CDH13: variants seen among roughly 807,000 people sequenced by gnomAD.
CDH13 encodes cadherin-13.
CDH13 carries 24 observed loss-of-function variants against 63.8 expected under a neutral mutation model. The observed-to-expected ratio is 0.38, with a 90% CI of 0.27 to 0.53. The LOEUF (loss-of-function observed/expected upper bound fraction) is 0.53. Among genes scored for constraint, CDH13 ranks in the 20% least tolerant of loss-of-function variants. CDH13 has a pLI of 0.85. For synonymous variants in CDH13, 503 were observed against 355.3 expected, an observed-to-expected ratio of 1.42 and a Z score of -4.67; for missense variants, 1,049 against 903.1, an observed-to-expected ratio of 1.16 and a Z score of -2.07.
intron 6 of CDH13, among the ~76,000 whole-genome samples, chr16:83,436,906 T>A (rs879885972): frequency 6.6e-6 from 1 of 152,216 alleles, no homozygotes; most frequent in Non-Finnish European, 1.5e-5. Flanking sequence ...TAGTTACCTG[T>A]AAAACTCCAT....
At chr16:82,635,618 G>C (rs1908559594) in intron 1 of CDH13, among the ~76,000 whole-genome samples, 1 of 152,212 alleles carries the variant, frequency 6.6e-6, no homozygotes, top group Non-Finnish European at 1.5e-5. Context: ...GGTTGGAGCT[G>C]GGTAAGAATG....
intron 10 of CDH13, among the ~76,000 whole-genome samples, chr16:83,706,641 C>G (rs989430373): frequency 6.6e-6 from 1 of 152,116 alleles, no homozygotes; most frequent in Admixed American, 6.5e-5. Flanking sequence ...TCTTTGGTTG[C>G]AAGCCATGGA....
intron 9 of CDH13, among the ~76,000 whole-genome samples, chr16:83,676,039 G>A (rs554987195): frequency 6.6e-6 from 1 of 152,250 alleles, no homozygotes; most frequent in Non-Finnish European, 1.5e-5. Flanking sequence ...ATAAGAGCAA[G>A]AACTTTTGCT....
At chr16:83,762,211 A>G (rs1914029320) in intron 11 of CDH13, among the ~76,000 whole-genome samples, 1 of 152,188 alleles carries the variant, frequency 6.6e-6, no homozygotes, top group Non-Finnish European at 1.5e-5. Flanking sequence ...AATCCTATAG[A>G]TTAATAAGTT....
intron 1 of CDH13, among the ~76,000 whole-genome samples, chr16:82,751,601 G>T (rs1224975974): frequency 6.6e-6 from 1 of 151,886 alleles, no homozygotes; most frequent in Non-Finnish European, 1.5e-5. Flanking sequence ...TCCTGGAAAG[G>T]TCAGACTTAT....
intron 4 of CDH13, among the ~76,000 whole-genome samples, chr16:83,160,576 C>T (rs1038857521): frequency 7.2e-5 from 11 of 152,238 alleles, no homozygotes; most frequent in East Asian, 1.9e-4. Context: ...ATGTGGTGCT[C>T]GTGTGGCCTT....
chr16:82,827,301 G>A (rs1379169729), intron 1 of CDH13, among the ~76,000 whole-genome samples: 2 of 152,150 alleles, frequency 1.3e-5, no homozygotes, highest in Admixed American at 6.5e-5. Context: ...GCATAATAAT[G>A]TATTGTTTGG....
intron 8 of CDH13, among the ~76,000 whole-genome samples, chr16:83,644,796 C>T (rs938428132): frequency 1.9e-4 from 29 of 152,142 alleles, no homozygotes; most frequent in African/African-American, 1.2e-4. Context: ...AGCAATTGGA[C>T]GGATACTAAT....
intron 2 of CDH13, among the ~76,000 whole-genome samples, chr16:82,889,408 A>T (rs190630315): frequency 6.6e-6 from 1 of 152,240 alleles, no homozygotes; most frequent in African/African-American, 2.4e-5. Context: ...AAATGACTTA[A>T]GGCAACTCGC....
At chr16:83,474,276 A>G (rs566481931) in intron 6 of CDH13, among the ~76,000 whole-genome samples, 11 of 152,260 alleles carry the variant, frequency 7.2e-5, no homozygotes, top group African/African-American at 2.4e-4. Flanking sequence ...TTACACAGTC[A>G]TAGGTGTCAG....
At chr16:83,025,340 A>G (rs926522080) in intron 2 of CDH13, among the ~76,000 whole-genome samples, 2 of 152,210 alleles carry the variant, frequency 1.3e-5, no homozygotes, top group Non-Finnish European at 2.9e-5. Flanking sequence ...ATTTATAAAG[A>G]AAAGAGGTGT....
chr16:82,985,663 A>C (rs1910844822), intron 2 of CDH13, among the ~76,000 whole-genome samples: 1 of 152,012 alleles, frequency 6.6e-6, no homozygotes, highest in South Asian at 2.1e-4. Context: ...CTTCTTTCTG[A>C]AATGTTGGTA....
At chr16:83,490,885 A>G (rs1440710907) in intron 7 of CDH13, among the ~76,000 whole-genome samples, 2 of 152,208 alleles carry the variant, frequency 1.3e-5, no homozygotes, top group African/African-American at 2.4e-5. Flanking sequence ...CCCTACCAGA[A>G]TATACGCTTC....
At chr16:83,726,611 A>G (rs35469878) in intron 10 of CDH13, among the ~76,000 whole-genome samples, 2,583 of 152,284 alleles carry the variant, frequency 0.017, 36 homozygotes, top group Non-Finnish European at 0.026. Flanking sequence ...CGAGGCGGGC[A>G]GATCACGAGG....
chr16:83,288,130 C>T (rs770814900), intron 5 of CDH13, among the ~76,000 whole-genome samples: 2 of 152,086 alleles, frequency 1.3e-5, no homozygotes, highest in Non-Finnish European at 2.9e-5. Flanking sequence ...AAAAATATTG[C>T]GTTAAAATAG....
At chr16:83,519,501 AAACT>A (rs1465462634) in intron 7 of CDH13, among the ~76,000 whole-genome samples, 3 of 152,268 alleles carry the variant, frequency 2.0e-5, no homozygotes, top group African/African-American at 4.8e-5. Flanking sequence ...GTATTTGAGC[AAACT>A]AACAGAGGAA....
intron 3 of CDH13, among the ~76,000 whole-genome samples, chr16:83,097,711 G>A (rs1172143848): frequency 6.6e-6 from 1 of 152,160 alleles, no homozygotes; most frequent in Non-Finnish European, 1.5e-5. Flanking sequence ...ACAAAAGCAG[G>A]AAAATGTAAA....
chr16:82,665,273 C>A (rs1912451424), intron 1 of CDH13, among the ~76,000 whole-genome samples: 1 of 152,114 alleles, frequency 6.6e-6, no homozygotes, highest in South Asian at 2.1e-4. Flanking sequence ...TGCAAGAAGG[C>A]TGTGATGTGT....
intron 1 of CDH13, among the ~76,000 whole-genome samples, chr16:82,675,602 C>T (rs552670424): frequency 1.3e-5 from 2 of 152,292 alleles, no homozygotes; most frequent in African/African-American, 2.4e-5. Flanking sequence ...TTTCTAAGTA[C>T]TTCAGAAAAT....
Sources: allele counts gnomAD v4.1 joint callset (sites outside exome capture counted in the v4.1 genomes callset), GRCh38; gene constraint gnomAD v4.1.1; transcripts MANE v1.5; gene names NCBI Gene and HGNC (gene_info 2026-07-23, HGNC 2026-07-21).